The following CNOT4 variants were observed in gnomAD, a reference collection of about 807,000 sequenced individuals.
CNOT4 encodes CCR4-associated factor 4.
A neutral mutation model predicts 73.8 loss-of-function variants in CNOT4; 8 were observed. The ratio of observed to expected loss-of-function variants is 0.11; its 90% CI spans 0.06 to 0.20. The LOEUF is 0.20. CNOT4 is among the 10% of genes least tolerant of loss of function. CNOT4 has a pLI of 1.00. For synonymous variants in CNOT4, 293 were observed against 321.1 expected (o/e 0.91, Z 0.94); for missense variants, 564 against 883.4 (o/e 0.64, Z 4.58).
intron 1 of CNOT4, among the ~76,000 whole-genome samples, chr7:135,447,446 A>G (rs940320854): frequency 6.6e-6 from 1 of 152,188 alleles, no homozygotes; most frequent in African/African-American, 2.4e-5. Context: ...CTACCTGACA[A>G]CTTCTAAAAG....
At chr7:135,452,256 T>C in intron 1 of CNOT4, among the ~76,000 whole-genome samples, 1 of 151,460 alleles carries the variant, frequency 6.6e-6, no homozygotes, top group East Asian at 2.0e-4. Flanking sequence ...GGAATAGTAA[T>C]AAAAGAGTGT....
chr7:135,474,830 T>G (rs1018873587), intron 1 of CNOT4, among the ~76,000 whole-genome samples: 6 of 152,202 alleles, frequency 3.9e-5, no homozygotes, highest in Non-Finnish European at 5.9e-5. Context: ...ATTGAAATGC[T>G]TATACACTGC....
At chr7:135,404,520 T>G (rs564659131) in intron 7 of CNOT4, among the ~76,000 whole-genome samples, 1 of 152,318 alleles carries the variant, frequency 6.6e-6, no homozygotes, top group African/African-American at 2.4e-5. Context: ...GGCCTATTCA[T>G]AATCTAACAA....
At chr7:135,371,865 T>C (rs1023926132) in intron 10 of CNOT4, among the ~76,000 whole-genome samples, 1 of 152,090 alleles carries the variant, frequency 6.6e-6, no homozygotes, top group Non-Finnish European at 1.5e-5. Flanking sequence ...CAACGCTAAA[T>C]GAGGGCAAGG....
intron 1 of CNOT4, among the ~76,000 whole-genome samples, chr7:135,461,729 G>A (rs548143228): frequency 6.6e-6 from 1 of 152,202 alleles, no homozygotes; most frequent in Non-Finnish European, 1.5e-5. Context: ...CTATTCAGGA[G>A]GCTAAGGTGG....
chr7:135,407,938 A>G (rs1797386049), intron 7 of CNOT4, among the ~76,000 whole-genome samples: 1 of 152,248 alleles, frequency 6.6e-6, no homozygotes, highest in African/African-American at 2.4e-5. Flanking sequence ...TAACTCATAT[A>G]AAACTTTTAA....
At chr7:135,482,611 A>T (rs1040817649) in intron 1 of CNOT4, among the ~76,000 whole-genome samples, 1 of 151,946 alleles carries the variant, frequency 6.6e-6, no homozygotes, top group South Asian at 2.1e-4. Context: ...CCAGACAAAG[A>T]TATCACAAAA....
chr7:135,455,917 G>A (rs748179600), intron 1 of CNOT4, among the ~76,000 whole-genome samples: 16 of 152,160 alleles, frequency 1.1e-4, no homozygotes, highest in Non-Finnish European at 2.2e-4. Context: ...GTTAATATCT[G>A]AGAACAGAAT....
intron 1 of CNOT4, among the ~76,000 whole-genome samples, chr7:135,482,550 T>C (rs1335938582): frequency 2.0e-5 from 3 of 147,270 alleles, no homozygotes; most frequent in Middle Eastern, 3.2e-3. Flanking sequence ...AGACCCTGTA[T>C]CAAAAAAAGA....
chr7:135,372,113 C>A (rs572658308), intron 10 of CNOT4, among the ~76,000 whole-genome samples: 51 of 152,334 alleles, frequency 3.3e-4, no homozygotes, highest in African/African-American at 1.2e-3. Context: ...GTCAACCACC[C>A]TAACATCTCT....
chr7:135,409,226 C>T (rs1366986155), intron 7 of CNOT4, among the ~76,000 whole-genome samples: 3 of 152,042 alleles, frequency 2.0e-5, no homozygotes, highest in Non-Finnish European at 4.4e-5. Flanking sequence ...TAAGTAATAG[C>T]ATATGGTTTG....
intron 1 of CNOT4, among the ~76,000 whole-genome samples, chr7:135,441,257 A>G (rs1395729867): frequency 6.6e-6 from 1 of 152,096 alleles, no homozygotes; most frequent in African/African-American, 2.4e-5. Flanking sequence ...GTATTTTTTC[A>G]CAATTCAAAT....
At chr7:135,376,181 T>C (rs1161328321) in intron 10 of CNOT4, among the ~76,000 whole-genome samples, 2 of 152,042 alleles carry the variant, frequency 1.3e-5, no homozygotes, top group Admixed American at 6.6e-5. Context: ...CTTCCAAAAG[T>C]CCAGATTAAC....
intron 3 of CNOT4, among the ~76,000 whole-genome samples, chr7:135,417,530 T>C (rs1030942303): frequency 1.3e-5 from 2 of 152,170 alleles, no homozygotes; most frequent in Non-Finnish European, 2.9e-5. Context: ...AGGCCACTGG[T>C]TTATGGAAAT....
At chr7:135,404,237 T>C (rs3812282) in intron 7 of CNOT4, among the ~76,000 whole-genome samples, 5,692 of 152,292 alleles carry the variant, frequency 0.037, 335 homozygotes, top group African/African-American at 0.12. Context: ...CCTAGTAATC[T>C]GCTGATTTTA....
At chr7:135,423,886 T>C (rs931404846) in intron 2 of CNOT4, among the ~76,000 whole-genome samples, 6 of 152,168 alleles carry the variant, frequency 3.9e-5, no homozygotes, top group African/African-American at 1.4e-4. Context: ...GATTTTGGTA[T>C]GATTTTAGGA....
chr7:135,502,017 C>A (rs1804000698), intron 1 of CNOT4, among the ~76,000 whole-genome samples: 1 of 152,154 alleles, frequency 6.6e-6, no homozygotes, highest in African/African-American at 2.4e-5. Context: ...AAGTTCTGCC[C>A]TCTCTGTTCT....
chr7:135,367,584 G>C (rs1045042843), intron 10 of CNOT4, among the ~76,000 whole-genome samples: 3 of 152,124 alleles, frequency 2.0e-5, no homozygotes, highest in Non-Finnish European at 2.9e-5. Context: ...ATGCTCCACT[G>C]GTGGTCAATA....
At chr7:135,487,294 G>A (rs564968716) in intron 1 of CNOT4, among the ~76,000 whole-genome samples, 2 of 151,900 alleles carry the variant, frequency 1.3e-5, no homozygotes, top group South Asian at 4.2e-4. Context: ...CTAGAGTGCA[G>A]TGATGCCATC....
Sources: gnomAD v4.1 joint callset for allele counts (sites outside exome capture counted in the v4.1 genomes callset) on GRCh38, gnomAD v4.1.1 for gene constraint, MANE v1.5 for transcripts, NCBI Gene and HGNC (gene_info 2026-07-23, HGNC 2026-07-21) for gene names.